The following LRBA variants were observed in gnomAD, a reference collection of about 807,000 sequenced individuals.
LRBA encodes the protein lipopolysaccharide-responsive and beige-like anchor protein.
Under a neutral mutation model 330.0 loss-of-function variants are expected in LRBA, and 176 were observed. That is an observed-to-expected ratio of 0.53 (90% confidence interval 0.47 to 0.60). LRBA has a LOEUF of 0.60. LRBA is among the 20% of genes least tolerant of loss of function. LRBA has a pLI of 0.00. For missense variants in LRBA, 3,259 were observed against 3,444.8 expected, an observed-to-expected ratio of 0.95 and a Z score of 1.35; for synonymous variants, 1,230 against 1,193.0, an observed-to-expected ratio of 1.03 and a Z score of -0.64.
At chr4:150,844,074 T>C in intron 28 of LRBA, 26 bp downstream of exon 28, 1 of 1,351,636 alleles carries the variant, frequency 7.4e-7, no homozygotes, top group Non-Finnish European at 1.1e-6. Flanking sequence ...GTTAAGAGAG[T>C]ATGTGAAAGA....
chr4:150,989,643 C>A (rs1157334260), intron 2 of LRBA, among the ~76,000 whole-genome samples: 4 of 151,950 alleles, frequency 2.6e-5, no homozygotes, highest in Non-Finnish European at 5.9e-5. Context: ...ATAGAATCAG[C>A]CCAATTTTAC....
At chr4:150,542,742 T>C (rs1765445204) in intron 40 of LRBA, among the ~76,000 whole-genome samples, 1 of 152,170 alleles carries the variant, frequency 6.6e-6, no homozygotes, top group Non-Finnish European at 1.5e-5. Context: ...TAGCTATGAA[T>C]GTTCTTAAAA....
chr4:150,443,873 T>TATATATATATATATATATATATATATATA (rs1491391084), intron 44 of LRBA, among the ~76,000 whole-genome samples: 1 of 18,634 alleles, frequency 5.4e-5, no homozygotes, highest in African/African-American at 2.4e-4. Flanking sequence ...TATATATATA[T>TATATATATATATATATATATATATATATA]TTTTTTTTTT....
chr4:150,358,161 C>T (rs1738146581), intron 47 of LRBA, among the ~76,000 whole-genome samples: 1 of 152,108 alleles, frequency 6.6e-6, no homozygotes. Context: ...GATAATCTTG[C>T]ACAAACATTA....
At chr4:150,758,239 T>C (rs2126446815) in intron 35 of LRBA, among the ~76,000 whole-genome samples, 1 of 152,308 alleles carries the variant, frequency 6.6e-6, no homozygotes, top group South Asian at 2.1e-4. Context: ...GAGAAAGACA[T>C]TATTATACTA....
At chr4:150,808,145 T>C (rs187542818) in intron 32 of LRBA, among the ~76,000 whole-genome samples, 175 bp downstream of exon 32, 11 of 152,336 alleles carry the variant, frequency 7.2e-5, no homozygotes, top group Middle Eastern at 3.4e-3. Flanking sequence ...TTGTACATCT[T>C]ATAATCTTTC....
chr4:150,503,963 G>A (rs533919986), intron 40 of LRBA, among the ~76,000 whole-genome samples: 17 of 152,314 alleles, frequency 1.1e-4, no homozygotes, highest in South Asian at 6.2e-4. Flanking sequence ...CTCAGTAGCC[G>A]ATGCGATCAA....
rs114423367 is a variant in LRBA, at chr4:150,853,397, C to T, written c.2767-454G>A. Among the ~76,000 whole-genome samples, 697 of 152,278 alleles carry T rather than the reference C, an allele frequency of 4.6e-3. 6 individuals are homozygous for T. The highest frequency in any genetic ancestry group is 0.016 in the African/African-American group (666 of 41,554). ...TTAATTATGCTCACCATTACAGTAG[C>T]TCTACAGATATCTATTAAGCTACAA... On this transcript the variant is annotated intron_variant, in intron 22 of 56. Transcript: ENST00000651943.
At chr4:150,638,135 A>C (rs1778112626) in intron 37 of LRBA, among the ~76,000 whole-genome samples, 2 of 151,382 alleles carry the variant, frequency 1.3e-5, no homozygotes, top group African/African-American at 4.9e-5. Context: ...GGGTTCAAGC[A>C]ATTCTCCTGC....
intron 40 of LRBA, among the ~76,000 whole-genome samples, chr4:150,555,267 C>T (rs1253433568): frequency 2.6e-5 from 4 of 152,104 alleles, no homozygotes; most frequent in African/African-American, 9.7e-5. Flanking sequence ...ATGCTACTAC[C>T]TATCCTCAAA....
intron 36 of LRBA, among the ~76,000 whole-genome samples, chr4:150,726,641 A>G (rs115065761): frequency 4.6e-5 from 7 of 152,132 alleles, no homozygotes; most frequent in Non-Finnish European, 8.8e-5. Flanking sequence ...GAAAGAGAAG[A>G]GTGAAGGAGG....
At chr4:150,274,731 A>G (rs1165555903) in intron 56 of LRBA, among the ~76,000 whole-genome samples, 7 of 152,302 alleles carry the variant, frequency 4.6e-5, no homozygotes, top group South Asian at 2.1e-4. Context: ...TACACCCTCC[A>G]AAGTCTAAAC....
intron 2 of LRBA, among the ~76,000 whole-genome samples, chr4:150,977,108 G>A (rs2149596735): frequency 6.6e-6 from 1 of 152,284 alleles, no homozygotes. Context: ...GAACATGAGG[G>A]GCATGTGACC....
chr4:150,647,660 T>C (rs1343330524), intron 37 of LRBA, among the ~76,000 whole-genome samples: 1 of 152,048 alleles, frequency 6.6e-6, no homozygotes, highest in East Asian at 1.9e-4. Flanking sequence ...CCTTAAATGC[T>C]GGGATTACAG....
intron 36 of LRBA, among the ~76,000 whole-genome samples, chr4:150,701,899 G>C (rs756838126): frequency 1.8e-4 from 28 of 152,224 alleles, no homozygotes; most frequent in Non-Finnish European, 3.7e-4. Flanking sequence ...TAATCACTGA[G>C]GCAGAACCAT....
intron 40 of LRBA, among the ~76,000 whole-genome samples, chr4:150,513,197 G>A (rs1350546774): frequency 6.6e-6 from 1 of 152,198 alleles, no homozygotes; most frequent in Non-Finnish European, 1.5e-5. Flanking sequence ...CCTCTGTGCT[G>A]GGTCTCTCAT....
chr4:150,284,369 A>T (rs7680501), intron 54 of LRBA, among the ~76,000 whole-genome samples: 1 of 152,222 alleles, frequency 6.6e-6, no homozygotes, highest in Non-Finnish European at 1.5e-5. Flanking sequence ...TTACATGTAT[A>T]TAACAAGAAG....
chr4:150,307,893 C>T (rs530919640), intron 52 of LRBA, among the ~76,000 whole-genome samples: 1 of 152,184 alleles, frequency 6.6e-6, no homozygotes, highest in Admixed American at 6.5e-5. Context: ...TTTCCTACAC[C>T]TACAGAATAA....
At chr4:150,796,909 G>C (rs1188935361) in intron 34 of LRBA, among the ~76,000 whole-genome samples, 1 of 151,722 alleles carries the variant, frequency 6.6e-6, no homozygotes, top group African/African-American at 2.4e-5. Flanking sequence ...TAATCAAATG[G>C]CTTAATGAGA....
Sources: gnomAD v4.1 joint callset for allele counts (sites outside exome capture counted in the v4.1 genomes callset) on GRCh38, gnomAD v4.1.1 for gene constraint, MANE v1.5 for transcripts, NCBI Gene and HGNC (gene_info 2026-07-23, HGNC 2026-07-21) for gene names.